Variants in SLCO6A1 observed in about 807,000 individuals in gnomAD.
SLCO6A1 encodes cancer/testis antigen 48.
A neutral mutation model predicts 72.7 loss-of-function variants in SLCO6A1; 65 were observed. The ratio of observed to expected loss-of-function variants is 0.89; its 90% confidence interval spans 0.73 to 1.10. SLCO6A1 has a LOEUF of 1.10. Among genes scored for constraint, SLCO6A1 ranks in the 50% least tolerant of loss-of-function variants. SLCO6A1 has a pLI of 0.00. For missense variants in SLCO6A1, 874 were observed against 872.6 expected (o/e 1.00, Z -0.02); for synonymous variants, 314 against 298.2 (o/e 1.05, Z -0.55).
chr5:102,413,131 C>A lies in SLCO6A1; in HGVS notation c.1485G>T (p.Leu495Phe). 2 of 1,563,264 alleles carry A rather than the reference C, an allele frequency of 1.3e-6. No individual in the cohort carries two copies. The highest frequency in any genetic ancestry group is 1.7e-6 in the Non-Finnish European group (2 of 1,162,226). The change falls in exon 9 of 14, where the codon TTG becomes TTT. Residue 495 changes from leucine (L) to phenylalanine (F), a missense_variant. By Grantham distance (22) the Leu-to-Phe change is conservative. Transcript: ENST00000506729. ...INEDYDGTGK[L>F]GNLTAPCNEK... ...CATTGCAAGGAGCCGTGAGGTTTCC[C>A]AACTTCCCTGTTCTGTAAAAACAAG... is the stretch of plus-strand genomic sequence containing the variant.
intron 6 of SLCO6A1, among the ~76,000 whole-genome samples, chr5:102,456,139 A>G (rs1750700558): frequency 1.3e-5 from 2 of 152,234 alleles, no homozygotes; most frequent in South Asian, 4.1e-4. Flanking sequence ...ACAAAACCAC[A>G]GCCAATATCA....
chr5:102,429,467 A>G (rs1749092950), intron 7 of SLCO6A1, among the ~76,000 whole-genome samples: 1 of 152,226 alleles, frequency 6.6e-6, no homozygotes, highest in South Asian at 2.1e-4. Context: ...ATCCATCTCA[A>G]GTTGATTTTT....
rs371261154 is a variant in SLCO6A1 at position 102,480,364 on chromosome 5, C to G, written c.429G>C (p.Glu143Asp). Residue 143 changes from glutamate (E) to aspartate (D), a missense_variant, in exon 2 of 14, where the codon GAG becomes GAC. Coordinates refer to ENST00000506729, the MANE Select transcript of SLCO6A1 (RefSeq NM_173488.5). Reference protein sequence around the residue: ...FQKEYQLKTIEKLALEKSYDI... With the variant: ...FQKEYQLKTIDKLALEKSYDI... ...CGTAACTCTTTTCCAATGCCAACTT[C>G]TCAATGGTTTTCAGTTGATATTCCT... 31 of 1,613,406 alleles carry G rather than the reference C, an allele frequency of 1.9e-5. No homozygotes were observed. Among genetic ancestry groups the G allele is most frequent in the Non-Finnish European group, 2.5e-5 (30 of 1,179,704 alleles).
intron 9 of SLCO6A1, among the ~76,000 whole-genome samples, chr5:102,405,910 C>G (rs1392457190): frequency 6.6e-6 from 1 of 151,938 alleles, no homozygotes; most frequent in African/African-American, 2.4e-5. Context: ...AGTAAAGGTA[C>G]ATATATGGTG....
chr5:102,395,827 T>C (rs1747042908), intron 10 of SLCO6A1, among the ~76,000 whole-genome samples: 1 of 152,168 alleles, frequency 6.6e-6, no homozygotes, highest in African/African-American at 2.4e-5. Context: ...CTGTTGGCTG[T>C]AAAAATGTCT....
rs1242774984 is a variant in SLCO6A1, at chr5:102,427,854, ATATATATATATTT to A, written c.1277-7846_1277-7834del. Among the ~76,000 whole-genome samples the A allele has an allele frequency of 6.5e-3, 780 of 120,614 alleles. 1 individual carries two copies. The highest frequency in any genetic ancestry group is 0.032 in the African/African-American group (749 of 23,770). The allele number at this position is 120,614 out of a possible 152,430, so 79.1% of individuals were successfully genotyped here. A position where few individuals can be genotyped will look rare whatever the true frequency, so the allele number is the denominator to read the frequency against. On this transcript the variant is annotated intron_variant, in intron 7 of 13. Transcript: ENST00000506729. The stretch of plus-strand genomic sequence containing the variant: ...TGTGTGTGTATGTATACATATATAT[ATATATATATATTT>A]TTTTTTTTTTTTTTTTTTTTGAGAC...
At chr5:102,421,205 A>G (rs1453281445) in intron 7 of SLCO6A1, among the ~76,000 whole-genome samples, 1 of 151,910 alleles carries the variant, frequency 6.6e-6, no homozygotes, top group Non-Finnish European at 1.5e-5. Context: ...TTGGGCAGAC[A>G]ATGAGCTAGC....
At chr5:102,404,412 G>A (rs559812391) in intron 9 of SLCO6A1, among the ~76,000 whole-genome samples, 37 of 152,190 alleles carry the variant, frequency 2.4e-4, no homozygotes, top group Admixed American at 6.5e-5. Flanking sequence ...GGAGAATGCC[G>A]TGAACCGGGG....
intron 4 of SLCO6A1, among the ~76,000 whole-genome samples, chr5:102,467,912 G>A (rs1470174964): frequency 6.6e-6 from 1 of 151,986 alleles, no homozygotes; most frequent in Non-Finnish European, 1.5e-5. Context: ...GTTCCTTGAG[G>A]TGTGACCTTA....
intron 7 of SLCO6A1, 172 bp downstream of exon 7, chr5:102,438,445 A>T (rs1749662397): frequency 4.3e-6 from 2 of 468,634 alleles, no homozygotes; most frequent in Non-Finnish European, 7.3e-6. Context: ...ACAAGGATTT[A>T]TATGTTAAAA....
intron 1 of SLCO6A1, among the ~76,000 whole-genome samples, chr5:102,494,019 CCTG>C (rs1752799060): frequency 6.6e-6 from 1 of 151,952 alleles, no homozygotes; most frequent in Non-Finnish European, 1.5e-5. Context: ...CGAAAGGATA[CCTG>C]ATTTTAATGC....
At position 102,475,679 on chromosome 5, in the gene SLCO6A1, GA is replaced by G. The variant is rs759058963; in HGVS notation, c.899+17del. The G allele has an allele frequency of 1.2e-5, 18 of 1,563,832 alleles. No individual in the cohort carries two copies. Among genetic ancestry groups the G allele is most frequent in the Admixed American group, 1.1e-4 (6 of 53,516 alleles). ...ATTTTATACAATGTAAACAAAAAAA[GA>G]AAAAATAATGCCTTACTTTGTTGCA... On this transcript the variant is annotated intron_variant, in intron 4 of 13. Coordinates refer to ENST00000506729, the MANE Select transcript of SLCO6A1 (RefSeq NM_173488.5).
intron 1 of SLCO6A1, among the ~76,000 whole-genome samples, chr5:102,485,620 A>G (rs1752414923): frequency 6.6e-6 from 1 of 152,228 alleles, no homozygotes; most frequent in South Asian, 2.1e-4. Context: ...GTGTTATTAC[A>G]CGTGTTGGGA....
Position 102,382,142 on chromosome 5 carries a change from T to G in SLCO6A1, c.2017+6546A>C, listed in dbSNP as rs141861034. The stretch of plus-strand genomic sequence containing the variant: ...CTTTTTACAGTTACATATATTACAT[T>G]TAAGGCTTTAATTCATTTTGAATTG... On this transcript the variant is annotated intron_variant, in intron 12 of 13. Transcript: ENST00000506729. 5.5e-3 allele frequency among the ~76,000 whole-genome samples: 833 copies of G among 151,876 alleles called. 4 individuals carry two copies. Among genetic ancestry groups the G allele is most frequent in the African/African-American group, 0.019 (800 of 41,536 alleles).
intron 10 of SLCO6A1, among the ~76,000 whole-genome samples, chr5:102,397,057 T>G (rs1033247626): frequency 1.3e-5 from 2 of 152,138 alleles, no homozygotes; most frequent in Admixed American, 6.5e-5. Flanking sequence ...TCAGAGAGGA[T>G]CTAGTTCTTT....
chr5:102,410,761 G>T (rs887441918), intron 9 of SLCO6A1, among the ~76,000 whole-genome samples: 1 of 152,138 alleles, frequency 6.6e-6, no homozygotes, highest in Non-Finnish European at 1.5e-5. Context: ...TTACATAAAT[G>T]CCAAAGGACA....
chr5:102,391,698 G>C (rs967504555), intron 10 of SLCO6A1, among the ~76,000 whole-genome samples: 3 of 151,990 alleles, frequency 2.0e-5, no homozygotes, highest in African/African-American at 7.2e-5. Context: ...ACTATTATTT[G>C]GGATTCCTTA....
chr5:102,422,465 C>G (rs1227661192), intron 7 of SLCO6A1, among the ~76,000 whole-genome samples: 1 of 152,096 alleles, frequency 6.6e-6, no homozygotes, highest in African/African-American at 2.4e-5. Flanking sequence ...AGCACAAGAA[C>G]TTTGTGAAGC....
At chr5:102,383,041 G>GTA (rs1322152967) in intron 12 of SLCO6A1, among the ~76,000 whole-genome samples, 1 of 138,114 alleles carries the variant, frequency 7.2e-6, no homozygotes. Flanking sequence ...ACACATACAT[G>GTA]TATATATATG....
Sources: allele counts gnomAD v4.1 joint callset (sites outside exome capture counted in the v4.1 genomes callset), GRCh38; gene constraint gnomAD v4.1.1; transcripts MANE v1.5; gene names NCBI Gene and HGNC (gene_info 2026-07-23, HGNC 2026-07-21).